KSR1: variants seen among roughly 807,000 people sequenced by gnomAD.
KSR1 encodes kinase suppressor of ras.
KSR1 carries 35 observed loss-of-function variants against 92.9 expected under a neutral mutation model. That is an observed-to-expected ratio of 0.38 (90% CI 0.29 to 0.50). The LOEUF (loss-of-function observed/expected upper bound fraction) is 0.50. Ranked by LOEUF, KSR1 falls within the 20% of genes least tolerant of loss-of-function variation. The pLI, the probability that KSR1 is intolerant of heterozygous loss-of-function variation, is 0.94. For synonymous variants in KSR1, 467 were observed against 472.6 expected (o/e 0.99, Z 0.15); for missense variants, 972 against 1,158.5 (o/e 0.84, Z 2.34).
At chr17:27,502,377 C>A (rs1395954963) in intron 1 of KSR1, among the ~76,000 whole-genome samples, 2 of 152,204 alleles carry the variant, frequency 1.3e-5, no homozygotes, top group Non-Finnish European at 2.9e-5. Context: ...GGCTTGATGA[C>A]CCTGAAGTAT....
intron 14 of KSR1, 136 bp from the exon 15 acceptor site, chr17:27,607,778 G>C: frequency 1.5e-6 from 1 of 663,920 alleles, no homozygotes; most frequent in South Asian, 1.8e-5. Flanking sequence ...GGTTAAAGAA[G>C]ATTTGGCTCA....
intron 1 of KSR1, among the ~76,000 whole-genome samples, chr17:27,478,088 A>G (rs1167719601): frequency 6.6e-6 from 1 of 152,204 alleles, no homozygotes; most frequent in Non-Finnish European, 1.5e-5. Context: ...CTTTAAGGAC[A>G]GACTATGTCA....
chr17:27,493,838 T>C (rs2150966258), intron 1 of KSR1, among the ~76,000 whole-genome samples: 2 of 152,322 alleles, frequency 1.3e-5, no homozygotes, highest in Middle Eastern at 3.4e-3. Context: ...GATTTTTGCC[T>C]GCTGCTGGGA....
chr17:27,510,723 G>A (rs2069569223), intron 1 of KSR1, among the ~76,000 whole-genome samples: 1 of 152,200 alleles, frequency 6.6e-6, no homozygotes, highest in African/African-American at 2.4e-5. Flanking sequence ...TGCATGGGTT[G>A]GGGGTATGAT....
intron 16 of KSR1, 109 bp from the exon 17 acceptor site, chr17:27,609,958 T>C (rs1384846555): frequency 1.3e-5 from 19 of 1,426,140 alleles, no homozygotes; most frequent in Non-Finnish European, 1.8e-5. Context: ...GTGTGTTTTC[T>C]AAGCTGTGTG....
intron 1 of KSR1, among the ~76,000 whole-genome samples, chr17:27,476,954 C>T (rs924492617): frequency 2.0e-5 from 3 of 152,192 alleles, no homozygotes; most frequent in African/African-American, 7.2e-5. Context: ...AGACTGGATG[C>T]TCCACAGACA....
chr17:27,540,533 C>T (rs796165967), intron 1 of KSR1, among the ~76,000 whole-genome samples: 1 of 152,208 alleles, frequency 6.6e-6, no homozygotes, highest in Non-Finnish European at 1.5e-5. Context: ...GGGAGGTTGT[C>T]TCTACACAAA....
chr17:27,467,526 T>G (rs766106761), intron 1 of KSR1, among the ~76,000 whole-genome samples: 9 of 152,250 alleles, frequency 5.9e-5, no homozygotes, highest in Non-Finnish European at 1.0e-4. Context: ...TGAATGTTCC[T>G]AAGAGATAGA....
chr17:27,478,183 T>C (rs1451047140), intron 1 of KSR1, among the ~76,000 whole-genome samples: 1 of 151,916 alleles, frequency 6.6e-6, no homozygotes, highest in African/African-American at 2.4e-5. Context: ...GGTTCTGGAG[T>C]ATGTGCTTTA....
intron 1 of KSR1, among the ~76,000 whole-genome samples, chr17:27,535,188 A>G (rs1272152647): frequency 6.6e-6 from 1 of 152,144 alleles, no homozygotes; most frequent in Non-Finnish European, 1.5e-5. Context: ...CTGGCGCCAC[A>G]ACATAGGATG....
At chr17:27,578,002 T>C (rs1598065617) in intron 3 of KSR1, 1 of 380,608 alleles carries the variant, frequency 2.6e-6, no homozygotes, top group East Asian at 6.6e-5. Flanking sequence ...CTGTCCCCAT[T>C]GCTGGCTGGG....
At chr17:27,519,022 G>A (rs968682240) in intron 1 of KSR1, among the ~76,000 whole-genome samples, 2 of 152,250 alleles carry the variant, frequency 1.3e-5, no homozygotes, top group East Asian at 3.9e-4. Flanking sequence ...GCAGGGCTGC[G>A]CTTGCTGCAG....
At chr17:27,458,764 G>C (rs1473856841) in intron 1 of KSR1, among the ~76,000 whole-genome samples, 1 of 152,138 alleles carries the variant, frequency 6.6e-6, no homozygotes, top group Non-Finnish European at 1.5e-5. Flanking sequence ...GCAGGGCCTG[G>C]GTTGTTTTGG....
At chr17:27,611,392 A>C in intron 17 of KSR1, 102 bp from the exon 18 acceptor site, 1 of 1,479,394 alleles carries the variant, frequency 6.8e-7, no homozygotes, top group Non-Finnish European at 9.2e-7. Flanking sequence ...GGAAGGCTGG[A>C]GAAGGGTCCT....
intron 1 of KSR1, among the ~76,000 whole-genome samples, chr17:27,520,158 TGAGTTTCGGA>T (rs758877769): frequency 1.3e-5 from 2 of 152,370 alleles, no homozygotes; most frequent in Non-Finnish European, 2.9e-5. Flanking sequence ...GACACCAAAA[TGAGTTTCGGA>T]GAGTTTCTGA....
Position 27,623,388 on chromosome 17 carries a change from T to C in KSR1, c.2783T>C (p.Met928Thr), listed in dbSNP as rs764452404. The part of the protein sequence containing the change: ...LGVLESSNPK[M>T] ...GTCCTGGAGTCCAGTAATCCAAAGA[T>C]GTAGCCAGCCATATGGTTTTTCGCT... is the stretch of plus-strand genomic sequence containing the variant. The change falls in exon 21 of 21, where the codon ATG (methionine) becomes ACG (threonine). Residue 928 changes from methionine to threonine, a missense_variant. Physicochemically the swap from Met to Thr is moderately conservative, Grantham distance 81. Around this residue, in one of 5 missense-constraint regions of KSR1, gnomAD observed 46 missense variants for 39.0 expected, o/e 1.18. Transcript: ENST00000644974. 1 of 764,666 alleles carries C rather than the reference T, an allele frequency of 1.3e-6. No individual in the cohort carries two copies. Among genetic ancestry groups the C allele is most frequent in the Non-Finnish European group, 2.4e-6 (1 of 417,656 alleles). 47.4% of individuals were successfully genotyped at this position (764,666 alleles called of 1,614,324 possible).
chr17:27,571,876 TCA>T (rs2072323391), intron 2 of KSR1, among the ~76,000 whole-genome samples: 1 of 152,230 alleles, frequency 6.6e-6, no homozygotes. Flanking sequence ...GTGGCGCCTC[TCA>T]GTGTCAGCAG....
intron 1 of KSR1, among the ~76,000 whole-genome samples, chr17:27,484,475 G>A (rs2068604458): frequency 6.6e-6 from 1 of 152,144 alleles, no homozygotes; most frequent in African/African-American, 2.4e-5. Flanking sequence ...CAAGTGATCT[G>A]CCTGCCTCGT....
intron 1 of KSR1, among the ~76,000 whole-genome samples, chr17:27,489,530 C>T (rs527376476): frequency 2.0e-5 from 3 of 152,166 alleles, no homozygotes; most frequent in Non-Finnish European, 4.4e-5. Flanking sequence ...TTCTTCATCC[C>T]CTCTTTAGAC....
Sources: allele counts gnomAD v4.1 joint callset (sites outside exome capture counted in the v4.1 genomes callset), GRCh38; gene constraint gnomAD v4.1.1; regional missense constraint gnomAD v4.1.1; transcripts MANE v1.5; gene names NCBI Gene and HGNC (gene_info 2026-07-23, HGNC 2026-07-21).